The following LRPPRC variants were observed in gnomAD, a reference collection of about 807,000 sequenced individuals.
LRPPRC encodes the protein leucine-rich PPR motif-containing protein, mitochondrial.
LRPPRC carries 120 observed loss-of-function variants against 180.3 expected under a neutral mutation model. That is an observed-to-expected ratio of 0.67 (90% CI 0.57 to 0.77). LRPPRC has a LOEUF of 0.77. LRPPRC is among the 30% of genes least tolerant of loss of function. The probability of loss-of-function intolerance (pLI) is 0.00; values close to 1 mark genes in which losing one functional copy is unlikely to be tolerated. For synonymous variants in LRPPRC, 723 were observed against 600.0 expected (o/e 1.21, Z -3.00); for missense variants, 2,012 against 1,657.2 (o/e 1.21, Z -3.72).
chr2:43,976,133 T>C lies in LRPPRC; in HGVS notation c.737+10A>G, dbSNP rs377025489. The C allele has an allele frequency of 5.0e-5, 78 of 1,570,218 alleles. 1 individual carries two copies. ...TCACTTAAGAACCAAAACCTTAGGTTGAACATTACCCAGCTCTGGCATGCC... is the reference window on the plus strand; with the variant it reads ...TCACTTAAGAACCAAAACCTTAGGTCGAACATTACCCAGCTCTGGCATGCC... On this transcript the variant is annotated intron_variant, in intron 6 of 37. Transcript: ENST00000260665.
intron 1 of LRPPRC, among the ~76,000 whole-genome samples, chr2:43,987,025 T>G (rs72879154): frequency 0.21 from 31,221 of 152,174 alleles, 4,000 homozygotes; most frequent in African/African-American, 0.35. Flanking sequence ...CCACTTGAAT[T>G]TTCTTTAGCC....
At chr2:43,907,602 T>C (rs910952836) in intron 30 of LRPPRC, among the ~76,000 whole-genome samples, 1 of 152,188 alleles carries the variant, frequency 6.6e-6, no homozygotes, top group Non-Finnish European at 1.5e-5. Flanking sequence ...AAATCTTAAT[T>C]ATATTTTATT....
chr2:43,926,752 C>A (rs1671893556), intron 25 of LRPPRC, among the ~76,000 whole-genome samples: 3 of 152,186 alleles, frequency 2.0e-5, no homozygotes, highest in Admixed American at 2.0e-4. Context: ...CAAAAATTAT[C>A]AATGTTACAC....
intron 23 of LRPPRC, among the ~76,000 whole-genome samples, chr2:43,941,526 C>A (rs892395550): frequency 6.6e-6 from 1 of 152,082 alleles, no homozygotes; most frequent in African/African-American, 2.4e-5. Context: ...CACATTTAAT[C>A]AAATCGAATA....
chr2:43,968,522 G>A (rs947940410), intron 11 of LRPPRC, among the ~76,000 whole-genome samples: 1 of 152,176 alleles, frequency 6.6e-6, no homozygotes, highest in Non-Finnish European at 1.5e-5. Flanking sequence ...ACTTGGCTTA[G>A]ATCAGTATGT....
At chr2:43,956,929 T>C (rs1559008835) in intron 14 of LRPPRC, among the ~76,000 whole-genome samples, 2 of 152,160 alleles carry the variant, frequency 1.3e-5, no homozygotes, top group Admixed American at 6.5e-5. Context: ...TATGGGAGTA[T>C]TCCCTTTTAC....
intron 2 of LRPPRC, among the ~76,000 whole-genome samples, chr2:43,981,859 G>T (rs1674322182): frequency 1.3e-5 from 2 of 151,968 alleles, no homozygotes; most frequent in Non-Finnish European, 1.5e-5. Flanking sequence ...CAGCCATTAT[G>T]TTTAATGGCA....
intron 27 of LRPPRC, among the ~76,000 whole-genome samples, chr2:43,921,674 G>A (rs760571577): frequency 2.0e-5 from 3 of 152,100 alleles, no homozygotes; most frequent in Non-Finnish European, 4.4e-5. Context: ...GGGTGGTGGT[G>A]GACACAATGA....
chr2:43,894,651 ATAT>A (rs777882446), intron 35 of LRPPRC, 22 bp from the exon 36 acceptor site: 8 of 1,254,030 alleles, frequency 6.4e-6, no homozygotes, highest in African/African-American at 4.4e-5. Context: ...CATAAAGGTA[ATAT>A]TATGAAAACC....
At chr2:43,986,047 T>G (rs1046147599) in intron 1 of LRPPRC, among the ~76,000 whole-genome samples, 11 of 152,230 alleles carry the variant, frequency 7.2e-5, no homozygotes, top group African/African-American at 2.4e-4. Flanking sequence ...TTTATATTTC[T>G]CTAATGACAT....
At position 43,940,433 on chromosome 2, in the gene LRPPRC, T is replaced by C. The variant is rs575360205; in HGVS notation, c.2504+3254A>G. ...CAAAAACATTGTTACAAGTTCATCTTAGAGAAATTGTGACCTTTATGAACT... is the reference window on the plus strand; with the variant it reads ...CAAAAACATTGTTACAAGTTCATCTCAGAGAAATTGTGACCTTTATGAACT... On this transcript the variant is annotated intron_variant, in intron 23 of 37. Transcript: ENST00000260665. 9.9e-4 allele frequency among the ~76,000 whole-genome samples: 151 copies of C among 152,328 alleles called. 1 individual carries two copies. The highest frequency in any genetic ancestry group is 3.3e-3 in the African/African-American group (137 of 41,566).
chr2:43,936,370 G>A (rs1175508675), intron 23 of LRPPRC, among the ~76,000 whole-genome samples: 1 of 152,182 alleles, frequency 6.6e-6, no homozygotes, highest in Non-Finnish European at 1.5e-5. Flanking sequence ...AACGATTTAT[G>A]AAAAGAGAGT....
At chr2:43,915,778 A>G (rs533257067) in intron 29 of LRPPRC, among the ~76,000 whole-genome samples, 1 of 152,274 alleles carries the variant, frequency 6.6e-6, no homozygotes, top group East Asian at 1.9e-4. Context: ...CAATGCCACA[A>G]AATTTCTTTC....
chr2:43,928,745 C>G (rs1671978900), intron 25 of LRPPRC, among the ~76,000 whole-genome samples: 1 of 151,904 alleles, frequency 6.6e-6, no homozygotes, highest in South Asian at 2.1e-4. Context: ...CTGGGCAACA[C>G]AGTGTGACCC....
At chr2:43,979,137 CTA>C (rs1674189280) in intron 3 of LRPPRC, among the ~76,000 whole-genome samples, 1 of 149,792 alleles carries the variant, frequency 6.7e-6, no homozygotes, top group African/African-American at 2.5e-5. Context: ...TGAATACGTA[CTA>C]TGTTACATGA....
chr2:43,980,160 G>C (rs553158457), intron 2 of LRPPRC, among the ~76,000 whole-genome samples: 9 of 152,116 alleles, frequency 5.9e-5, no homozygotes, highest in Non-Finnish European at 1.0e-4. Flanking sequence ...AGAAATCTAA[G>C]GTTATAAAAT....
At chr2:43,896,373 A>G in intron 35 of LRPPRC, 1 of 372,412 alleles carries the variant, frequency 2.7e-6, no homozygotes, top group Non-Finnish European at 5.1e-6. Context: ...GCCCAGCCTA[A>G]TCTTGCATTT....
At chr2:43,976,259 A>G (rs1358952031) in intron 5 of LRPPRC, 30 bp from the exon 6 acceptor site, 16 of 1,229,622 alleles carry the variant, frequency 1.3e-5, no homozygotes, top group Non-Finnish European at 1.8e-5. Flanking sequence ...ATACTCATTG[A>G]AAGTATTTAT....
rs1447252248 is a variant in LRPPRC at position 43,886,272 on chromosome 2, G to T, written c.*2328C>A. ...AAAGCATTTCAGTTAAAATTATTTT[G>T]GGTTCAAATACATGAACATATAATT... is the stretch of plus-strand genomic sequence containing the variant. On this transcript the variant is annotated 3_prime_UTR_variant, in exon 38 of 38. Coordinates refer to ENST00000260665, the MANE Select transcript of LRPPRC (RefSeq NM_133259.4). Among the ~76,000 whole-genome samples, 2 of 151,240 alleles carry T rather than the reference G, an allele frequency of 1.3e-5. No homozygotes were observed. Among genetic ancestry groups the T allele is most frequent in the Non-Finnish European group, 2.9e-5 (2 of 67,888 alleles).
Sources: allele counts gnomAD v4.1 joint callset (sites outside exome capture counted in the v4.1 genomes callset), GRCh38; gene constraint gnomAD v4.1.1; transcripts MANE v1.5; gene names NCBI Gene and HGNC (gene_info 2026-07-23, HGNC 2026-07-21).